ADARB1: variants seen among roughly 807,000 people sequenced by gnomAD.
ADARB1 encodes the protein adenosine deaminase RNA specific B1.
Under a neutral mutation model 52.4 loss-of-function variants are expected in ADARB1, and 10 were observed. That is an observed-to-expected ratio of 0.19 (90% confidence interval 0.12 to 0.32). The LOEUF is 0.32. Ranked by LOEUF, ADARB1 falls within the 10% of genes least tolerant of loss-of-function variation. The pLI, the probability that ADARB1 is intolerant of heterozygous loss-of-function variation, is 1.00. For synonymous variants in ADARB1, 349 were observed against 371.1 expected, an observed-to-expected ratio of 0.94 and a Z score of 0.68; for missense variants, 643 against 922.3, an observed-to-expected ratio of 0.70 and a Z score of 3.92.
intron 2 of ADARB1, among the ~76,000 whole-genome samples, chr21:45,167,167 G>A (rs921141844): frequency 1.3e-5 from 2 of 152,198 alleles, no homozygotes; most frequent in Non-Finnish European, 2.9e-5. Flanking sequence ...GTACTCACCT[G>A]CCACCACACT....
At chr21:45,144,537 C>G in intron 2 of ADARB1, 1 of 375,500 alleles carries the variant, frequency 2.7e-6, no homozygotes, top group South Asian at 2.1e-5. Flanking sequence ...GAAACCATAC[C>G]TGATACAGTA....
chr21:45,078,054 A>AT (rs902617184), intron 1 of ADARB1, among the ~76,000 whole-genome samples: 108 of 146,864 alleles, frequency 7.4e-4, no homozygotes, highest in East Asian at 1.4e-3. Context: ...AATTATCACA[A>AT]TTTTTTTTTT....
intron 1 of ADARB1, among the ~76,000 whole-genome samples, chr21:45,118,357 C>A (rs756190641): frequency 6.6e-6 from 1 of 152,128 alleles, no homozygotes; most frequent in South Asian, 2.1e-4. Context: ...TCTTAATTCA[C>A]TTCCTTATAG....
chr21:45,087,274 A>G (rs1452894183), intron 1 of ADARB1, among the ~76,000 whole-genome samples: 3 of 152,236 alleles, frequency 2.0e-5, no homozygotes, highest in African/African-American at 7.2e-5. Flanking sequence ...CTAAATATCC[A>G]TATGCAGGAG....
intron 2 of ADARB1, among the ~76,000 whole-genome samples, chr21:45,144,010 A>G (rs2089883039): frequency 6.6e-6 from 1 of 152,104 alleles, no homozygotes; most frequent in African/African-American, 2.4e-5. Flanking sequence ...GTCTTTGTTC[A>G]CTGATGTATC....
intron 8 of ADARB1, among the ~76,000 whole-genome samples, chr21:45,199,847 T>C (rs1409115122): frequency 1.3e-5 from 2 of 152,184 alleles, no homozygotes; most frequent in African/African-American, 2.4e-5. Flanking sequence ...AGCCATCCAT[T>C]TGGAGGATCC....
chr21:45,093,261 A>G (rs1047032890), intron 1 of ADARB1, among the ~76,000 whole-genome samples: 2 of 152,158 alleles, frequency 1.3e-5, no homozygotes, highest in African/African-American at 4.8e-5. Context: ...ACCAGTTCCC[A>G]GGGCAGCCTC....
chr21:45,133,131 C>T (rs889835185), intron 2 of ADARB1, among the ~76,000 whole-genome samples: 1 of 152,246 alleles, frequency 6.6e-6, no homozygotes, highest in African/African-American at 2.4e-5. Flanking sequence ...GGGTGTCAGC[C>T]TCTGTTCAGA....
chr21:45,214,642 T>C (rs1024319029), intron 9 of ADARB1, among the ~76,000 whole-genome samples: 4 of 152,230 alleles, frequency 2.6e-5, no homozygotes, highest in Non-Finnish European at 5.9e-5. Context: ...GTTCCTCATT[T>C]CTTCATGGAA....
intron 8 of ADARB1, among the ~76,000 whole-genome samples, chr21:45,201,653 C>T (rs888174125): frequency 3.3e-5 from 5 of 152,146 alleles, no homozygotes; most frequent in African/African-American, 1.2e-4. Context: ...CTGTATGTGC[C>T]AGGTACATAT....
At position 45,220,047 on chromosome 21, in the gene ADARB1, A is replaced by G. The variant is rs996325781; in HGVS notation, c.1748-789A>G. On this transcript the variant is annotated intron_variant, in intron 9 of 10. Coordinates refer to ENST00000348831, the MANE Select transcript of ADARB1 (RefSeq NM_001112.4). This position sits in a 1 kb window ranked among gnomAD's most constrained non-coding sequence, Gnocchi z 6.3. Reference sequence around the variant, plus strand: ...CTTCAGGATTGTCTTTGTAAAAGCTATTTTTATCTCCTGTTTGATGTTTGT... The same window carrying G: ...CTTCAGGATTGTCTTTGTAAAAGCTGTTTTTATCTCCTGTTTGATGTTTGT... 2.6e-5 allele frequency among the ~76,000 whole-genome samples: 3 copies of G among 115,348 alleles called. No individual in the cohort carries two copies. Among genetic ancestry groups the G allele is most frequent in the African/African-American group, 1.0e-4 (3 of 30,020 alleles). The allele number at this position is 115,348 out of a possible 152,430, so 75.7% of individuals were successfully genotyped here.
At chr21:45,150,362 A>C (rs1196722257) in intron 2 of ADARB1, among the ~76,000 whole-genome samples, 1 of 152,230 alleles carries the variant, frequency 6.6e-6, no homozygotes, top group East Asian at 1.9e-4. Flanking sequence ...TTAAGGAAAT[A>C]ACAAAGCAAA....
intron 8 of ADARB1, among the ~76,000 whole-genome samples, chr21:45,202,620 G>A (rs949159538): frequency 7.2e-5 from 11 of 152,172 alleles, no homozygotes; most frequent in African/African-American, 1.7e-4. Flanking sequence ...TGCCACATCC[G>A]CAGATCTAAG....
chr21:45,186,820 A>G (rs1256257172), intron 8 of ADARB1, among the ~76,000 whole-genome samples: 3 of 152,104 alleles, frequency 2.0e-5, no homozygotes, highest in African/African-American at 7.2e-5. Flanking sequence ...GTAGTCTTGC[A>G]CTCTGTTGAA....
intron 9 of ADARB1, among the ~76,000 whole-genome samples, chr21:45,214,218 T>G (rs1361851316): frequency 6.6e-6 from 1 of 152,254 alleles, no homozygotes; most frequent in East Asian, 1.9e-4. Flanking sequence ...ATGCACATTT[T>G]TACTGAGTTG....
intron 7 of ADARB1, chr21:45,184,455 T>C: frequency 4.3e-6 from 1 of 233,028 alleles, no homozygotes; most frequent in Non-Finnish European, 8.8e-6. Context: ...ATAATTTTTT[T>C]TTTTTTTTTT....
Position 45,222,912 on chromosome 21 carries a change from C to T in ADARB1, c.*715C>T, listed in dbSNP as rs151204918. On this transcript the variant is annotated 3_prime_UTR_variant, in exon 11 of 11. Transcript: ENST00000348831. ...AGAGGCGTGACCCAGGCCCCTGTAGCCCTCAGCCTCCTCTAGAAGCTTCTG... is the reference window on the plus strand; with the variant it reads ...AGAGGCGTGACCCAGGCCCCTGTAGTCCTCAGCCTCCTCTAGAAGCTTCTG... 8.9e-3 allele frequency: 8,730 copies of T among 985,478 alleles called. 38 individuals carry two copies. The highest frequency in any genetic ancestry group is 0.01 in the Non-Finnish European group (8,385 of 829,952). 61.0% of individuals were successfully genotyped at this position (985,478 alleles called of 1,614,324 possible). A position where few individuals can be genotyped will look rare whatever the true frequency, so the allele number is the denominator to read the frequency against.
Position 45,150,701 on chromosome 21 carries a change from A to G in ADARB1, c.-47-20909A>G, listed in dbSNP as rs1438622095. The stretch of plus-strand genomic sequence containing the variant: ...TGAAGGGGCTGGGCATGCTGTTTCC[A>G]GTGCTTTCATGAGATGCTGCTTTGC... On this transcript the variant is annotated intron_variant, in intron 2 of 10. Coordinates refer to ENST00000348831, the MANE Select transcript of ADARB1 (RefSeq NM_001112.4). Among the ~76,000 whole-genome samples the G allele has an allele frequency of 2.6e-5, 4 of 152,200 alleles. No individual in the cohort carries two copies. The East Asian group carries it at 7.7e-4, about 29-fold the overall frequency.
At chr21:45,201,482 C>T (rs899720698) in intron 8 of ADARB1, among the ~76,000 whole-genome samples, 1 of 152,196 alleles carries the variant, frequency 6.6e-6, no homozygotes, top group African/African-American at 2.4e-5. Flanking sequence ...GGCTTCTAAT[C>T]TGTAGAAGAA....
Sources: allele counts gnomAD v4.1 joint callset (sites outside exome capture counted in the v4.1 genomes callset), GRCh38; gene constraint gnomAD v4.1.1; non-coding constraint Gnocchi (gnomAD v3.1); transcripts MANE v1.5; gene names NCBI Gene and HGNC (gene_info 2026-07-23, HGNC 2026-07-21).